The following TSPAN5 variants were observed in gnomAD, a reference collection of about 807,000 sequenced individuals.
TSPAN5 encodes the protein tetraspanin-5.
A neutral mutation model predicts 37.1 loss-of-function variants in TSPAN5; 10 were observed. The ratio of observed to expected loss-of-function variants is 0.27; its 90% CI spans 0.17 to 0.46. The LOEUF is 0.46. TSPAN5 is among the 20% of genes least tolerant of loss of function. The probability of loss-of-function intolerance (pLI) is 1.00; values close to 1 mark genes in which losing one functional copy is unlikely to be tolerated. For missense variants in TSPAN5, 195 were observed against 326.6 expected (o/e 0.60, Z 3.11); for synonymous variants, 110 against 118.9 (o/e 0.93, Z 0.48).
rs374347014 is a variant in TSPAN5 at position 98,519,220 on chromosome 4, A to G, written c.82-11492T>C. On this transcript the variant is annotated intron_variant, in intron 1 of 7. Transcript: ENST00000305798. ...ATTATGGGCCTTTAGGTCCAGGTGC[A>G]ATGGCTCAGTCTGTAGTCCCAGCAC... 8.5e-4 allele frequency among the ~76,000 whole-genome samples: 129 copies of G among 152,250 alleles called. 1 individual carries two copies. The highest frequency in any genetic ancestry group is 2.9e-3 in the African/African-American group (121 of 41,548).
intron 1 of TSPAN5, among the ~76,000 whole-genome samples, chr4:98,598,017 C>A (rs1293140717): frequency 1.1e-5 from 1 of 94,026 alleles, no homozygotes; most frequent in African/African-American, 6.2e-5. Context: ...TGGGCAATGG[C>A]GGGCGCCCCT....
chr4:98,599,395 C>G (rs1755831227), intron 1 of TSPAN5, among the ~76,000 whole-genome samples: 1 of 152,076 alleles, frequency 6.6e-6, no homozygotes, highest in Admixed American at 6.6e-5. Context: ...ACAAGAAGCA[C>G]CACAAATGTC....
intron 1 of TSPAN5, among the ~76,000 whole-genome samples, chr4:98,612,621 A>G (rs1158805171): frequency 1.3e-5 from 2 of 152,186 alleles, no homozygotes; most frequent in African/African-American, 4.8e-5. Flanking sequence ...TAACCAAGAC[A>G]CTAAGGAGCA....
intron 1 of TSPAN5, among the ~76,000 whole-genome samples, chr4:98,631,661 C>T (rs1363453048): frequency 6.6e-6 from 1 of 152,180 alleles, no homozygotes; most frequent in Non-Finnish European, 1.5e-5. Flanking sequence ...TTTAAGACCT[C>T]AGGCTATAGG....
At chr4:98,544,184 T>A (rs1012896513) in intron 1 of TSPAN5, among the ~76,000 whole-genome samples, 4 of 151,102 alleles carry the variant, frequency 2.6e-5, no homozygotes, top group Non-Finnish European at 5.9e-5. Context: ...TGTCTCTGAA[T>A]GAATGAATGA....
chr4:98,570,247 C>G (rs1755090344), intron 1 of TSPAN5, among the ~76,000 whole-genome samples: 3 of 152,102 alleles, frequency 2.0e-5, no homozygotes, highest in Admixed American at 6.5e-5. Context: ...AGCAAGAGGA[C>G]TGAAAAATAC....
At chr4:98,565,112 C>A (rs1407344234) in intron 1 of TSPAN5, among the ~76,000 whole-genome samples, 1 of 152,162 alleles carries the variant, frequency 6.6e-6, no homozygotes, top group Non-Finnish European at 1.5e-5. Flanking sequence ...AACCTTGGAT[C>A]CTGCACAATA....
chr4:98,496,766 A>G (rs1446256591), intron 2 of TSPAN5: 4 of 152,178 alleles, frequency 2.6e-5, no homozygotes, highest in African/African-American at 9.7e-5. Context: ...GAAATCACCC[A>G]TGTTCTCAGC....
At chr4:98,626,322 A>G (rs1756602049) in intron 1 of TSPAN5, among the ~76,000 whole-genome samples, 1 of 152,184 alleles carries the variant, frequency 6.6e-6, no homozygotes, top group Admixed American at 6.5e-5. Context: ...ATAACCTCCC[A>G]TAATTGATCT....
chr4:98,574,094 A>C (rs1755182667), intron 1 of TSPAN5, among the ~76,000 whole-genome samples: 2 of 152,238 alleles, frequency 1.3e-5, no homozygotes, highest in African/African-American at 4.8e-5. Context: ...CTGGGAAAGT[A>C]TTTGTTGAAC....
chr4:98,652,077 C>T (rs1757202129), intron 1 of TSPAN5, among the ~76,000 whole-genome samples: 1 of 151,840 alleles, frequency 6.6e-6, no homozygotes, highest in Non-Finnish European at 1.5e-5. Context: ...CCAGGCTGGT[C>T]TCAAACTCTT....
chr4:98,532,951 C>A lies in TSPAN5; in HGVS notation c.82-25223G>T, dbSNP rs190175541. The stretch of plus-strand genomic sequence containing the variant: ...TTCTGCATCTATTGAGATAATCATG[C>A]GGTTTTTGTCACTGGTTCTGTTTAT... On this transcript the variant is annotated intron_variant, in intron 1 of 7. Coordinates refer to ENST00000305798, the MANE Select transcript of TSPAN5 (RefSeq NM_005723.4). Among the ~76,000 whole-genome samples the A allele has an allele frequency of 1.2e-3, 189 of 152,140 alleles. 2 individuals carry two copies. Among genetic ancestry groups the A allele is most frequent in the African/African-American group, 3.3e-3 (137 of 41,500 alleles).
chr4:98,560,249 T>C (rs1037897455), intron 1 of TSPAN5: 1 of 152,222 alleles, frequency 6.6e-6, no homozygotes, highest in Non-Finnish European at 1.5e-5. Context: ...GAGTGGCTCA[T>C]AAGCAGACTT....
intron 1 of TSPAN5, among the ~76,000 whole-genome samples, chr4:98,545,884 T>G (rs1406255159): frequency 6.6e-6 from 1 of 152,130 alleles, no homozygotes; most frequent in Non-Finnish European, 1.5e-5. Context: ...AGAAGGAAAA[T>G]GTAATCCAAC....
intron 1 of TSPAN5, among the ~76,000 whole-genome samples, chr4:98,651,977 A>G (rs1418849870): frequency 2.1e-4 from 31 of 149,364 alleles, no homozygotes; most frequent in Non-Finnish European, 1.5e-5. Context: ...CAGCCTCCCA[A>G]GTGGCTGGGA....
intron 7 of TSPAN5, among the ~76,000 whole-genome samples, chr4:98,473,208 T>C (rs1267484058): frequency 6.6e-6 from 1 of 152,224 alleles, no homozygotes; most frequent in Non-Finnish European, 1.5e-5. Flanking sequence ...GTAGAATTGC[T>C]GACTCATATG....
At chr4:98,552,387 C>T (rs942507578) in intron 1 of TSPAN5, among the ~76,000 whole-genome samples, 7 of 152,202 alleles carry the variant, frequency 4.6e-5, no homozygotes, top group South Asian at 2.1e-4. Flanking sequence ...TTTCACTATG[C>T]TGTATTTTCA....
intron 1 of TSPAN5, among the ~76,000 whole-genome samples, chr4:98,547,781 C>T (rs1378030749): frequency 1.3e-5 from 2 of 151,884 alleles, no homozygotes; most frequent in African/African-American, 4.8e-5. Context: ...CCGAGGTAGA[C>T]GGATCACTTG....
intron 3 of TSPAN5, 114 bp downstream of exon 3, chr4:98,486,624 T>C: frequency 8.4e-7 from 1 of 1,192,352 alleles, no homozygotes; most frequent in Middle Eastern, 1.9e-4. Context: ...ACCTGGGCCC[T>C]ACTTTGGCCA....
Sources: gnomAD v4.1 joint callset for allele counts (sites outside exome capture counted in the v4.1 genomes callset) on GRCh38, gnomAD v4.1.1 for gene constraint, MANE v1.5 for transcripts, NCBI Gene and HGNC (gene_info 2026-07-23, HGNC 2026-07-21) for gene names.